The following BRD3 variants were observed in gnomAD, a reference collection of about 807,000 sequenced individuals.
The protein encoded by BRD3 is bromodomain containing 3.
Under a neutral mutation model 66.8 loss-of-function variants are expected in BRD3, and 17 were observed. The ratio of observed to expected loss-of-function variants is 0.25; its 90% CI spans 0.17 to 0.38. The LOEUF is 0.38. BRD3 is among the 10% of genes least tolerant of loss of function. The pLI is 1.00. For missense variants in BRD3, 713 were observed against 956.1 expected, an observed-to-expected ratio of 0.75 and a Z score of 3.35; for synonymous variants, 421 against 393.2, an observed-to-expected ratio of 1.07 and a Z score of -0.84.
intron 6 of BRD3, among the ~76,000 whole-genome samples, chr9:134,046,601 G>A (rs562744860): frequency 9.8e-5 from 15 of 152,330 alleles, no homozygotes; most frequent in African/African-American, 3.6e-4. Flanking sequence ...TGGGGGAAAA[G>A]CTAGTTTTCC....
rs757891631 is a variant in BRD3, at chr9:134,033,213, T to C, written c.*377A>G. On this transcript the variant is annotated 3_prime_UTR_variant, in exon 12 of 12. Transcript: ENST00000303407. The surrounding 1 kb of genome is among the most constrained non-coding windows in gnomAD (Gnocchi z 5.1). ...AAATACAGTACCCATATCCGAGACATTTCCTTGGAAAAAATTCTTTCTCGA... is the reference window on the plus strand; with the variant it reads ...AAATACAGTACCCATATCCGAGACACTTCCTTGGAAAAAATTCTTTCTCGA... 2.1e-4 allele frequency: 84 copies of C among 406,460 alleles called. No homozygotes were observed. The East Asian group carries it at 3.0e-3, about 14-fold the overall frequency. The allele number at this position is 406,460 out of a possible 1,614,324, so 25.2% of individuals were successfully genotyped here. A position where few individuals can be genotyped will look rare whatever the true frequency, so the allele number is the denominator to read the frequency against.
At chr9:134,066,943 C>A (rs1349617662) in intron 1 of BRD3, among the ~76,000 whole-genome samples, 2 of 152,184 alleles carry the variant, frequency 1.3e-5, no homozygotes, top group Non-Finnish European at 2.9e-5. Flanking sequence ...GCCGAGTTCT[C>A]GCCCTCCAGG....
chr9:134,038,944 GGA>G (rs982916296), intron 9 of BRD3, among the ~76,000 whole-genome samples: 1 of 152,126 alleles, frequency 6.6e-6, no homozygotes, highest in African/African-American at 2.4e-5. Flanking sequence ...CCTCCAAAAA[GGA>G]GAGAGGGAGG....
chr9:134,041,092 CA>C lies in BRD3; in HGVS notation c.1407+667del, dbSNP rs1345015646. Among the ~76,000 whole-genome samples the C allele has an allele frequency of 2.6e-5, 4 of 152,358 alleles. No individual in the cohort carries two copies. The East Asian group carries it at 7.7e-4, about 29-fold the overall frequency. ...ATGTCCAGCCCAACTCTGGGGACTG[CA>C]GGGCCATCGCTGTCCTTGCAGCCCT... On this transcript the variant is annotated intron_variant, in intron 8 of 11. Transcript: ENST00000303407.
At position 134,051,565 on chromosome 9, in the gene BRD3, C is replaced by T. The variant is rs200048761; in HGVS notation, c.496G>A (p.Ala166Thr). Residue 166 changes from alanine (A) to threonine (T), a missense_variant, in exon 4 of 12, where the codon GCA becomes ACA. Ala to Thr is a moderately conservative substitution (Grantham distance 58). Coordinates refer to ENST00000303407, the MANE Select transcript of BRD3 (RefSeq NM_007371.4). Reference sequence around the variant, plus strand: ...CGCCTGCCCCAGCTCCCTTTACCTGCGCTCTGGGCTCCCGCAGCCGGCTTC... The same window carrying T: ...CGCCTGCCCCAGCTCCCTTTACCTGTGCTCTGGGCTCCCGCAGCCGGCTTC... ...GRKPAAGAQS[A>T]GTQQVAAVSS... 84 of 1,546,826 alleles carry T rather than the reference C, an allele frequency of 5.4e-5. No homozygotes were observed. Among genetic ancestry groups the T allele is most frequent in the Admixed American group, 1.2e-4 (5 of 42,974 alleles).
At chr9:134,065,869 G>A (rs748228687) in intron 1 of BRD3, among the ~76,000 whole-genome samples, 2 of 152,274 alleles carry the variant, frequency 1.3e-5, no homozygotes, top group Non-Finnish European at 2.9e-5. Flanking sequence ...GGAGGAAGAG[G>A]GTAGAGGAAG....
intron 1 of BRD3, among the ~76,000 whole-genome samples, chr9:134,055,182 C>T (rs1376590326): frequency 6.6e-6 from 1 of 152,192 alleles, no homozygotes; most frequent in Non-Finnish European, 1.5e-5. Flanking sequence ...GAAGCCCTCC[C>T]AGCAGGGCTC....
At chr9:134,062,616 G>A (rs1003852149) in intron 1 of BRD3, among the ~76,000 whole-genome samples, 5 of 152,046 alleles carry the variant, frequency 3.3e-5, no homozygotes, top group Non-Finnish European at 5.9e-5. Context: ...GTCCCTACCC[G>A]CCTCTCTACC....
chr9:134,059,767 G>A (rs538363405), intron 1 of BRD3, among the ~76,000 whole-genome samples: 9 of 152,194 alleles, frequency 5.9e-5, no homozygotes, highest in Admixed American at 1.3e-4. Context: ...CTCCCACACA[G>A]CCTGCTGGCA....
chr9:134,042,862 CAG>C (rs199631197), intron 7 of BRD3, among the ~76,000 whole-genome samples: 2,868 of 152,018 alleles, frequency 0.019, 81 homozygotes, highest in African/African-American at 0.064. Flanking sequence ...TCTCTCAAGA[CAG>C]AGTCTTGCTC....
intron 1 of BRD3, chr9:134,057,537 A>C (rs1830450096): frequency 6.6e-6 from 1 of 152,312 alleles, no homozygotes; most frequent in Non-Finnish European, 1.5e-5. Context: ...GAGACCCCAC[A>C]ATCCCCACAA....
At chr9:134,062,775 G>A (rs190874821) in intron 1 of BRD3, among the ~76,000 whole-genome samples, 53 of 152,280 alleles carry the variant, frequency 3.5e-4, no homozygotes, top group Admixed American at 3.3e-3. Context: ...CCAGGCCACC[G>A]CCACGTAGTC....
At chr9:134,056,876 CA>C (rs1830437098) in intron 1 of BRD3, 1 of 152,388 alleles carries the variant, frequency 6.6e-6, no homozygotes, top group South Asian at 2.1e-4. Flanking sequence ...CGTCTGCAGA[CA>C]CCTTCCCTCC....
rs1262791778 is a variant in BRD3 at position 134,048,162 on chromosome 9, T to C, written c.1007A>G (p.Lys336Arg). ...CTCCAGGGCCTCGGCATCCACTGGC[T>C]TGTAGAAGGGCCAGGCGTAGGCCGC... ...KHAAYAWPFY[K>R]PVDAEALELH... Residue 336 changes from lysine to arginine, a missense_variant, in exon 6 of 12, where the codon AAG becomes AGG. By Grantham distance (26) the Lys-to-Arg change is conservative. This residue lies in a region of BRD3 where 418 missense variants were observed against 609.3 expected (regional missense o/e 0.69). Transcript: ENST00000303407. 4.3e-6 allele frequency: 7 copies of C among 1,611,708 alleles called. No homozygotes were observed. Among genetic ancestry groups the C allele is most frequent in the Non-Finnish European group, 5.1e-6 (6 of 1,179,340 alleles).
rs138085153 is a variant in BRD3 at position 134,050,674 on chromosome 9, C to T, written c.500-86G>A. Reference sequence around the variant, plus strand: ...CAGTGCCACCCCTCCAGCCAGAACACGGGTACCAGCTCTGTGCTGCCAAGA... The same window carrying T: ...CAGTGCCACCCCTCCAGCCAGAACATGGGTACCAGCTCTGTGCTGCCAAGA... On this transcript the variant is annotated intron_variant, in intron 4 of 11. Coordinates refer to ENST00000303407, the MANE Select transcript of BRD3 (RefSeq NM_007371.4). 2.3e-4 allele frequency: 263 copies of T among 1,123,876 alleles called. No homozygotes were observed. The African/African-American group carries it at 3.6e-3, about 15-fold the overall frequency. The allele number at this position is 1,123,876 out of a possible 1,614,324, so 69.6% of individuals were successfully genotyped here.
At chr9:134,047,549 G>T (rs1488461661) in intron 6 of BRD3, among the ~76,000 whole-genome samples, 1 of 152,204 alleles carries the variant, frequency 6.6e-6, no homozygotes, top group Non-Finnish European at 1.5e-5. Flanking sequence ...GCCGCCTTGA[G>T]AAGACTGGCA....
intron 6 of BRD3, 151 bp downstream of exon 6, chr9:134,047,932 C>T (rs528059881): frequency 1.6e-4 from 179 of 1,113,718 alleles, no homozygotes; most frequent in Non-Finnish European, 2.0e-4. Flanking sequence ...CAGCCACAGC[C>T]GGCGCTGCGG....
intron 7 of BRD3, among the ~76,000 whole-genome samples, chr9:134,044,625 C>T (rs191824889): frequency 6.6e-6 from 1 of 152,310 alleles, no homozygotes; most frequent in East Asian, 1.9e-4. Flanking sequence ...GGCACATCCA[C>T]CCACACCAAA....
chr9:134,051,502 C>T (rs200118509), intron 4 of BRD3, 60 bp downstream of exon 4: 5 of 1,446,964 alleles, frequency 3.5e-6, no homozygotes, highest in Non-Finnish European at 3.6e-6. Flanking sequence ...CGTCCCAGCC[C>T]ATCCACCCGT....
Sources: gnomAD v4.1 joint callset for allele counts (sites outside exome capture counted in the v4.1 genomes callset) on GRCh38, gnomAD v4.1.1 for gene constraint, gnomAD v4.1.1 regional missense constraint, Gnocchi (gnomAD v3.1) non-coding constraint, MANE v1.5 for transcripts, NCBI Gene and HGNC (gene_info 2026-07-23, HGNC 2026-07-21) for gene names.